Variants in ASPRV1 observed in about 807,000 individuals in gnomAD.
ASPRV1 encodes the protein aspartic peptidase retroviral like 1, also known as retroviral-like aspartic protease 1.
In ASPRV1, 7 loss-of-function variants were observed where a neutral mutation model predicts 11.0. The ratio of observed to expected loss-of-function variants is 0.64; its 90% CI spans 0.36 to 1.20. The LOEUF (loss-of-function observed/expected upper bound fraction) is 1.20, where lower values mean the gene tolerates loss of function less well. Among genes scored for constraint, ASPRV1 ranks in the 50% most tolerant of loss-of-function variants. The pLI, the probability that ASPRV1 is intolerant of heterozygous loss-of-function variation, is 0.02. For synonymous variants in ASPRV1, 136 were observed against 138.4 expected (o/e 0.98, Z 0.12); for missense variants, 299 against 320.0 (o/e 0.93, Z 0.50).
chr2:70,067,769 A>G, the ASPRV1 span, among the ~76,000 whole-genome samples: 1 of 152,212 alleles, frequency 6.6e-6, no homozygotes, highest in Admixed American at 6.5e-5. Flanking sequence ...CAAATCACCA[A>G]TACATTACCT....
At chr2:69,983,440 G>T in the ASPRV1 span, among the ~76,000 whole-genome samples, 1 of 152,214 alleles carries the variant, frequency 6.6e-6, no homozygotes, top group African/African-American at 2.4e-5. Context: ...TGAAGAGCAG[G>T]TGAGGATTTG....
chr2:69,947,023 G>T, the ASPRV1 span, among the ~76,000 whole-genome samples: 1 of 152,178 alleles, frequency 6.6e-6, no homozygotes, highest in Non-Finnish European at 1.5e-5. Flanking sequence ...TTCAGTTCCC[G>T]CATTCACACG....
the ASPRV1 span, among the ~76,000 whole-genome samples, chr2:69,944,428 A>G: frequency 6.6e-6 from 1 of 152,180 alleles, no homozygotes; most frequent in African/African-American, 2.4e-5. Context: ...GTGAACCTTC[A>G]CATTGGCCCC....
chr2:70,078,172 T>G, the ASPRV1 span, among the ~76,000 whole-genome samples: 3 of 152,084 alleles, frequency 2.0e-5, no homozygotes, highest in Non-Finnish European at 4.4e-5. Context: ...AAATAATAAT[T>G]AAATAAATTT....
chr2:70,067,910 CAGG>C, the ASPRV1 span, among the ~76,000 whole-genome samples: 1 of 152,152 alleles, frequency 6.6e-6, no homozygotes, highest in Admixed American at 6.5e-5. Flanking sequence ...AAAGATTGGG[CAGG>C]AGGAGAAGCT....
At chr2:70,047,310 G>C in the ASPRV1 span, among the ~76,000 whole-genome samples, 2 of 152,218 alleles carry the variant, frequency 1.3e-5, no homozygotes, top group African/African-American at 4.8e-5. Context: ...CCAGGGGCAT[G>C]CAAGAAGCTA....
At chr2:69,948,290 T>C in the ASPRV1 span, among the ~76,000 whole-genome samples, 1 of 152,144 alleles carries the variant, frequency 6.6e-6, no homozygotes, top group Non-Finnish European at 1.5e-5. Flanking sequence ...TTCAGTATTT[T>C]ATTACACCAT....
chr2:70,061,891 A>T, the ASPRV1 span, among the ~76,000 whole-genome samples: 1 of 151,652 alleles, frequency 6.6e-6, no homozygotes, highest in Non-Finnish European at 1.5e-5. Context: ...TGAACCTGGG[A>T]GATGGAGGCT....
chr2:70,040,240 A>C, the ASPRV1 span, among the ~76,000 whole-genome samples: 5 of 152,134 alleles, frequency 3.3e-5, no homozygotes, highest in African/African-American at 4.8e-5. Context: ...GCATAGTGGC[A>C]CCCACCTATG....
the ASPRV1 span, among the ~76,000 whole-genome samples, chr2:70,025,017 C>T: frequency 6.6e-6 from 1 of 152,124 alleles, no homozygotes; most frequent in East Asian, 1.9e-4. Context: ...AATAAATGTT[C>T]CACATATATA....
At chr2:69,973,791 A>G in the ASPRV1 span, among the ~76,000 whole-genome samples, 1 of 152,260 alleles carries the variant, frequency 6.6e-6, no homozygotes, top group Non-Finnish European at 1.5e-5. Context: ...TTTAAGTTTA[A>G]TGTGCATTAT....
At chr2:70,055,625 T>TG in the ASPRV1 span, 2 of 135,064 alleles carry the variant, frequency 1.5e-5, no homozygotes, top group African/African-American at 2.8e-5. Context: ...TCAGGGCTGT[T>TG]GGGGGGTGGG....
At chr2:70,027,287 G>C in the ASPRV1 span, among the ~76,000 whole-genome samples, 70 of 147,300 alleles carry the variant, frequency 4.8e-4, no homozygotes, top group Non-Finnish European at 8.5e-4. Context: ...AAAAAAAAGC[G>C]GGGGGTGGAG....
At chr2:69,941,402 C>G in the ASPRV1 span, 1 of 152,200 alleles carries the variant, frequency 6.6e-6, no homozygotes, top group Non-Finnish European at 1.5e-5. Flanking sequence ...CAACTGCTGG[C>G]TCCTTTCTGT....
the ASPRV1 span, among the ~76,000 whole-genome samples, chr2:70,042,030 T>C: frequency 6.6e-6 from 1 of 152,212 alleles, no homozygotes. Context: ...GGGATAAAGA[T>C]TCACTCTTTC....
At chr2:69,959,482 C>T (rs1041614942), downstream of ASPRV1, among the ~76,000 whole-genome samples, 19 of 152,074 alleles carry the variant, frequency 1.2e-4, no homozygotes, top group African/African-American at 4.6e-4. Context: ...GAGATGGACC[C>T]CTAAAAGAGA....
chr2:70,000,004 C>T, the ASPRV1 span, among the ~76,000 whole-genome samples: 3 of 152,218 alleles, frequency 2.0e-5, no homozygotes, highest in South Asian at 4.1e-4. Context: ...CTCATCCTGC[C>T]ACATCTGCAC....
the ASPRV1 span, among the ~76,000 whole-genome samples, chr2:69,969,463 T>C: frequency 1.3e-5 from 2 of 152,170 alleles, no homozygotes; most frequent in South Asian, 4.2e-4. Flanking sequence ...GCGCCTTTGG[T>C]TTCTGTATCC....
chr2:69,948,914 C>T, the ASPRV1 span, among the ~76,000 whole-genome samples: 1 of 152,030 alleles, frequency 6.6e-6, no homozygotes. Flanking sequence ...CTTCCCTGGA[C>T]ACCTGGGGGC....
Sources: allele counts gnomAD v4.1 joint callset (sites outside exome capture counted in the v4.1 genomes callset), GRCh38; gene constraint gnomAD v4.1.1; transcripts MANE v1.5; gene names NCBI Gene and HGNC (gene_info 2026-07-23, HGNC 2026-07-21).